Variants in PDE11A observed in about 807,000 individuals in gnomAD.
The protein encoded by PDE11A is phosphodiesterase 11A.
In PDE11A, 100 loss-of-function variants were observed where a neutral mutation model predicts 100.5. That is an observed-to-expected ratio of 1.00 (90% confidence interval 0.85 to 1.18). PDE11A has a LOEUF of 1.18. Ranked by LOEUF, PDE11A falls within the 50% of genes most tolerant of loss-of-function variation. The pLI is 0.00. For missense variants in PDE11A, 1,141 were observed against 1,152.6 expected (o/e 0.99, Z 0.15); for synonymous variants, 381 against 420.8 (o/e 0.91, Z 1.16).
At chr2:178,015,671 G>C (rs527790214) in intron 1 of PDE11A, among the ~76,000 whole-genome samples, 26 of 152,066 alleles carry the variant, frequency 1.7e-4, no homozygotes, top group Non-Finnish European at 3.5e-4. Flanking sequence ...TTATTCTTAG[G>C]ATATACATGC....
chr2:177,800,114 A>T (rs955214260), intron 9 of PDE11A, among the ~76,000 whole-genome samples: 5 of 152,050 alleles, frequency 3.3e-5, no homozygotes, highest in Admixed American at 6.6e-5. Context: ...TAAAATCCTA[A>T]TAGTCTCAGA....
At chr2:177,668,076 T>G (rs569119572) in intron 18 of PDE11A, among the ~76,000 whole-genome samples, 4 of 152,178 alleles carry the variant, frequency 2.6e-5, no homozygotes, top group Non-Finnish European at 4.4e-5. Context: ...TGCTCCGTAG[T>G]CTTTGTGAGA....
intron 2 of PDE11A, among the ~76,000 whole-genome samples, chr2:177,960,595 T>C (rs1480369522): frequency 2.0e-5 from 3 of 151,760 alleles, no homozygotes; most frequent in African/African-American, 7.3e-5. Flanking sequence ...GCAAACTATA[T>C]AGAATGGAAT....
intron 19 of PDE11A, among the ~76,000 whole-genome samples, chr2:177,633,631 CAA>C (rs954146966): frequency 2.6e-5 from 4 of 152,192 alleles, no homozygotes; most frequent in African/African-American, 9.6e-5. Flanking sequence ...CAGCAGCGAT[CAA>C]AATCCCCTTT....
chr2:177,852,181 C>A (rs568884435), intron 5 of PDE11A, among the ~76,000 whole-genome samples: 136 of 152,170 alleles, frequency 8.9e-4, no homozygotes, highest in Middle Eastern at 3.4e-3. Context: ...AAGAGTGTGA[C>A]CATTAACTAA....
At chr2:177,851,400 G>A (rs1224308927) in intron 5 of PDE11A, among the ~76,000 whole-genome samples, 2 of 151,974 alleles carry the variant, frequency 1.3e-5, no homozygotes, top group African/African-American at 2.4e-5. Context: ...TGGGGGGATC[G>A]GGGAGGGATA....
chr2:177,677,218 T>C (rs1189902818), intron 16 of PDE11A, among the ~76,000 whole-genome samples: 1 of 152,228 alleles, frequency 6.6e-6, no homozygotes, highest in Non-Finnish European at 1.5e-5. Context: ...ATAATTCTAA[T>C]AGCTACCACT....
rs1574305950 is a variant in PDE11A, at chr2:177,955,759, A to C, written c.1072-50572T>G. 3.3e-5 allele frequency among the ~76,000 whole-genome samples: 5 copies of C among 152,356 alleles called. No homozygotes were observed. In the South Asian group the frequency reaches 1.0e-3, roughly 32 times the overall value. On this transcript the variant is annotated intron_variant, in intron 2 of 19. Coordinates refer to ENST00000286063, the MANE Select transcript of PDE11A (RefSeq NM_016953.4). ...AGAGCCCTCAGAAATAATGCCACAT[A>C]TCTACAACTATCTGATCTTTGACAA... is the stretch of plus-strand genomic sequence containing the variant.
In PDE11A at chr2:177,624,641, A is replaced by T. The variant is rs2079806461; in HGVS notation, c.*4766T>A. ...ATACAATACCTGGAAATGCATAGAC[A>T]TCTCAGATTTTAGAAACAAAATGCA... On this transcript the variant is annotated 3_prime_UTR_variant, in exon 20 of 20. Coordinates refer to ENST00000286063, the MANE Select transcript of PDE11A (RefSeq NM_016953.4). The T allele has an allele frequency of 6.6e-6, 1 of 152,262 alleles. No homozygotes were observed. Among genetic ancestry groups the T allele is most frequent in the African/African-American group, 2.4e-5 (1 of 41,480 alleles). 9.4% of individuals were successfully genotyped at this position (152,262 alleles called of 1,614,324 possible).
At chr2:178,099,196 C>T (rs368695007) in intron 2 of PDE11A, among the ~76,000 whole-genome samples, 11 of 152,078 alleles carry the variant, frequency 7.2e-5, no homozygotes, top group African/African-American at 2.7e-4. Flanking sequence ...GAGGCCGAGG[C>T]GGGCAGATCA....
intron 2 of PDE11A, among the ~76,000 whole-genome samples, chr2:177,921,373 CAG>C (rs2105754075): frequency 6.6e-6 from 1 of 150,892 alleles, no homozygotes; most frequent in East Asian, 1.9e-4. Context: ...CAACTTTACC[CAG>C]AGACACATTT....
chr2:178,017,620 C>A (rs147493564), intron 1 of PDE11A, among the ~76,000 whole-genome samples: 2 of 152,178 alleles, frequency 1.3e-5, no homozygotes, highest in East Asian at 1.9e-4. Flanking sequence ...CAGGGAGAAC[C>A]ACAGAGGAGG....
intron 5 of PDE11A, among the ~76,000 whole-genome samples, chr2:177,843,245 T>C (rs192563848): frequency 5.1e-4 from 78 of 152,278 alleles, no homozygotes; most frequent in East Asian, 5.8e-4. Flanking sequence ...CAAGTGGAGA[T>C]AGAATTTTCA....
chr2:177,970,015 T>C (rs538073866), intron 2 of PDE11A, among the ~76,000 whole-genome samples: 5 of 152,324 alleles, frequency 3.3e-5, no homozygotes, highest in African/African-American at 1.2e-4. Flanking sequence ...TGAATGTTAG[T>C]GACTTTAAAT....
chr2:177,656,983 C>G (rs556013019), intron 19 of PDE11A, among the ~76,000 whole-genome samples: 1 of 152,008 alleles, frequency 6.6e-6, no homozygotes, highest in Non-Finnish European at 1.5e-5. Flanking sequence ...AATGCTATAC[C>G]GAGGACTTCG....
chr2:177,936,836 G>A (rs548938113), intron 2 of PDE11A, among the ~76,000 whole-genome samples: 59 of 152,056 alleles, frequency 3.9e-4, no homozygotes, highest in African/African-American at 1.3e-3. Context: ...CAGGAGAATC[G>A]CTTGAACCCA....
At chr2:177,638,734 G>A (rs986816446) in intron 19 of PDE11A, among the ~76,000 whole-genome samples, 1 of 152,084 alleles carries the variant, frequency 6.6e-6, no homozygotes, top group Non-Finnish European at 1.5e-5. Flanking sequence ...TTTTTGTGGA[G>A]GGCTAATTTG....
At chr2:177,949,070 T>G (rs186454988) in intron 2 of PDE11A, among the ~76,000 whole-genome samples, 2 of 152,078 alleles carry the variant, frequency 1.3e-5, no homozygotes, top group Non-Finnish European at 2.9e-5. Flanking sequence ...ACAGGAAAAA[T>G]ATTCTAGTGC....
intron 2 of PDE11A, among the ~76,000 whole-genome samples, chr2:177,937,985 G>A (rs758521591): frequency 1.3e-5 from 2 of 152,156 alleles, no homozygotes; most frequent in Admixed American, 6.5e-5. Context: ...GTAACTGTGA[G>A]TATTACCAAT....
Sources: gnomAD v4.1 joint callset for allele counts (sites outside exome capture counted in the v4.1 genomes callset) on GRCh38, gnomAD v4.1.1 for gene constraint, MANE v1.5 for transcripts, NCBI Gene and HGNC (gene_info 2026-07-23, HGNC 2026-07-21) for gene names.